The following ATP11A variants were observed in gnomAD, a reference collection of about 807,000 sequenced individuals.
The protein encoded by ATP11A is ATPase phospholipid transporting 11A, also known as phospholipid-transporting ATPase IH.
Under a neutral mutation model 154.4 loss-of-function variants are expected in ATP11A, and 81 were observed. That is an observed-to-expected ratio of 0.52 (90% confidence interval 0.44 to 0.63). ATP11A has a LOEUF of 0.63. Among genes scored for constraint, ATP11A ranks in the 30% least tolerant of loss-of-function variants. The probability of loss-of-function intolerance (pLI) is 0.00; values close to 1 mark genes in which losing one functional copy is unlikely to be tolerated. For synonymous variants in ATP11A, 623 were observed against 585.9 expected (o/e 1.06, Z -0.91); for missense variants, 1,316 against 1,474.3 (o/e 0.89, Z 1.76).
At position 112,826,984 on chromosome 13, in the gene ATP11A, G is replaced by A; in HGVS notation, c.1221+93G>A. 5 of 1,319,502 alleles carry A rather than the reference G, an allele frequency of 3.8e-6. No homozygotes were observed. In the Admixed American group the frequency reaches 7.6e-5, roughly 20 times the overall value. The allele number at this position is 1,319,502 out of a possible 1,614,324, so 81.7% of individuals were successfully genotyped here. On this transcript the variant is annotated intron_variant, in intron 12 of 29. Transcript: ENST00000375645. ...GGTCCTGTGCCTGTCATCCGAGCGT[G>A]GCTGTACCTGTAGCTGGCGTAAGAC... is the stretch of plus-strand genomic sequence containing the variant.
intron 1 of ATP11A, among the ~76,000 whole-genome samples, chr13:112,784,923 C>T (rs1289950240): frequency 6.6e-6 from 1 of 152,194 alleles, no homozygotes; most frequent in East Asian, 1.9e-4. Context: ...TCCTGGTGCT[C>T]ACCAGAAGAC....
At chr13:112,733,466 A>T (rs1184377923) in intron 1 of ATP11A, among the ~76,000 whole-genome samples, 1 of 152,238 alleles carries the variant, frequency 6.6e-6, no homozygotes, top group Non-Finnish European at 1.5e-5. Flanking sequence ...GGATATTAAC[A>T]ATTTAAAACA....
intron 2 of ATP11A, among the ~76,000 whole-genome samples, chr13:112,789,411 C>A (rs1414791854): frequency 1.3e-5 from 2 of 150,600 alleles, no homozygotes; most frequent in Non-Finnish European, 3.0e-5. Flanking sequence ...ACATGTAGAC[C>A]CCTGTGGAGA....
chr13:112,729,687 C>T (rs574154729), intron 1 of ATP11A, among the ~76,000 whole-genome samples: 1 of 152,350 alleles, frequency 6.6e-6, no homozygotes, highest in Admixed American at 6.5e-5. Flanking sequence ...CGCAGCGCTC[C>T]TGCTATTTTT....
chr13:112,884,565 A>G lies in ATP11A; in HGVS notation c.*2699A>G, dbSNP rs745823622. ...CAGTGAATGACGTTGCAGGGTCTTC[A>G]TGCAATTTTCCACCTCGCAGTAGTT... On this transcript the variant is annotated 3_prime_UTR_variant, in exon 30 of 30. Coordinates refer to ENST00000375645, the MANE Select transcript of ATP11A (RefSeq NM_015205.3). The G allele has an allele frequency of 6.6e-6, 1 of 152,290 alleles. No homozygotes were observed. The highest frequency in any genetic ancestry group is 1.5e-5 in the Non-Finnish European group (1 of 68,054). 9.4% of individuals were successfully genotyped at this position (152,290 alleles called of 1,614,324 possible).
chr13:112,736,151 G>A (rs989316485), intron 1 of ATP11A, among the ~76,000 whole-genome samples: 1 of 152,204 alleles, frequency 6.6e-6, no homozygotes, highest in South Asian at 2.1e-4. Flanking sequence ...TGGACAGAGG[G>A]TGAGAACTCG....
chr13:112,815,622 T>A (rs1486392518), intron 5 of ATP11A, among the ~76,000 whole-genome samples: 1 of 152,230 alleles, frequency 6.6e-6, no homozygotes, highest in East Asian at 1.9e-4. Context: ...TGTGATTGAT[T>A]TTTACTTTAG....
intron 2 of ATP11A, among the ~76,000 whole-genome samples, chr13:112,792,039 C>T (rs758065314): frequency 5.3e-5 from 8 of 152,160 alleles, no homozygotes; most frequent in Non-Finnish European, 1.0e-4. Flanking sequence ...AGGGGGCTCT[C>T]AAATCCGCCC....
intron 17 of ATP11A, among the ~76,000 whole-genome samples, chr13:112,847,073 C>G (rs1272789689): frequency 1.3e-5 from 2 of 152,232 alleles, no homozygotes; most frequent in East Asian, 3.8e-4. Context: ...ACACCCAGGT[C>G]TGCCCCATAA....
chr13:112,880,813 C>G, intron 29 of ATP11A: 1 of 985,462 alleles, frequency 1.0e-6, no homozygotes, highest in Non-Finnish European at 1.2e-6. Context: ...GTAAGTAACA[C>G]GCCTGAGGGC....
chr13:112,803,884 CTCA>C, intron 2 of ATP11A, among the ~76,000 whole-genome samples: 1 of 113,170 alleles, frequency 8.8e-6, no homozygotes, highest in Non-Finnish European at 1.9e-5. Flanking sequence ...CCTTCCTTCC[CTCA>C]TTCCCCTCCT....
At chr13:112,747,653 T>TGG (rs1201029548) in intron 1 of ATP11A, among the ~76,000 whole-genome samples, 1 of 152,126 alleles carries the variant, frequency 6.6e-6, no homozygotes, top group East Asian at 1.9e-4. Context: ...CTGGCCAACA[T>TGG]GGGGAAACCC....
chr13:112,729,063 CTG>C (rs1462167366), intron 1 of ATP11A, among the ~76,000 whole-genome samples: 2 of 152,204 alleles, frequency 1.3e-5, no homozygotes, highest in African/African-American at 4.8e-5. Context: ...GCTTTGTTCT[CTG>C]TTGAGAGTCC....
chr13:112,785,064 G>A lies in ATP11A; in HGVS notation c.40-71G>A. 1.4e-5 allele frequency: 19 copies of A among 1,375,074 alleles called. No individual in the cohort carries two copies. Among genetic ancestry groups the A allele is most frequent in the Non-Finnish European group, 1.8e-5 (19 of 1,054,990 alleles). 85.2% of individuals were successfully genotyped at this position (1,375,074 alleles called of 1,614,324 possible). A position where few individuals can be genotyped will look rare whatever the true frequency, so the allele number is the denominator to read the frequency against. ...TCCGTTCCGACGAACGTGCCTCAAGGCAACACTCTGGGCAAGAGCTTTTGA... is the reference window on the plus strand; with the variant it reads ...TCCGTTCCGACGAACGTGCCTCAAGACAACACTCTGGGCAAGAGCTTTTGA... On this transcript the variant is annotated intron_variant, in intron 1 of 29. Transcript: ENST00000375645. This position sits in a 1 kb window ranked among gnomAD's most constrained non-coding sequence, Gnocchi z 4.8.
At chr13:112,719,137 C>G (rs1888854010) in intron 1 of ATP11A, among the ~76,000 whole-genome samples, 1 of 151,552 alleles carries the variant, frequency 6.6e-6, no homozygotes, top group Non-Finnish European at 1.5e-5. Context: ...TTGGAGGGGC[C>G]CTCAGGATGC....
At chr13:112,842,219 A>C (rs2079442058) in intron 16 of ATP11A, 57 bp from the exon 17 acceptor site, 1 of 1,366,980 alleles carries the variant, frequency 7.3e-7, no homozygotes, top group South Asian at 1.3e-5. Flanking sequence ...TAATTTTAAA[A>C]AATAATCTAG....
At chr13:112,854,920 G>A (rs1479700083) in intron 19 of ATP11A, among the ~76,000 whole-genome samples, 2 of 152,228 alleles carry the variant, frequency 1.3e-5, no homozygotes, top group African/African-American at 4.8e-5. Context: ...ATGCATGGTT[G>A]TTCGTCTAAG....
intron 17 of ATP11A, among the ~76,000 whole-genome samples, chr13:112,850,001 T>C (rs2079717899): frequency 6.6e-6 from 1 of 152,204 alleles, no homozygotes; most frequent in African/African-American, 2.4e-5. Context: ...GACCCTGTCT[T>C]GTGTTCTGAC....
At chr13:112,865,070 TC>T (rs2140383958) in intron 25 of ATP11A, among the ~76,000 whole-genome samples, 2 of 123,860 alleles carry the variant, frequency 1.6e-5, no homozygotes, top group Non-Finnish European at 3.4e-5. Flanking sequence ...CCCAGCGGGA[TC>T]CATCACCACA....
Sources: gnomAD v4.1 joint callset for allele counts (sites outside exome capture counted in the v4.1 genomes callset) on GRCh38, gnomAD v4.1.1 for gene constraint, Gnocchi (gnomAD v3.1) non-coding constraint, MANE v1.5 for transcripts, NCBI Gene and HGNC (gene_info 2026-07-23, HGNC 2026-07-21) for gene names.